The following SACS variants were observed in gnomAD, a reference collection of about 807,000 sequenced individuals.
The protein encoded by SACS is sacsin.
Under a neutral mutation model 348.0 loss-of-function variants are expected in SACS, and 197 were observed. That is an observed-to-expected ratio of 0.57 (90% CI 0.50 to 0.64). The LOEUF is 0.64. SACS is among the 30% of genes least tolerant of loss of function. SACS has a pLI of 0.00. For synonymous variants in SACS, 1,985 were observed against 1,910.6 expected (o/e 1.04, Z -1.02); for missense variants, 4,999 against 5,360.8 (o/e 0.93, Z 2.11).
rs777184890 is a variant in SACS, at chr13:23,335,618, T to A, written c.8258A>T (p.Asp2753Val). The change falls in exon 10 of 10, where the codon GAT (aspartate) becomes GTT (valine). Residue 2753 changes from aspartate (D) to valine (V), a missense_variant. This residue lies in a region of SACS where 3,156 missense variants were observed against 3,380.1 expected (regional missense o/e 0.93). Transcript: ENST00000382292. This position sits in a 1 kb window ranked among gnomAD's most constrained non-coding sequence, Gnocchi z 4.7. The part of the protein sequence containing the change: ...HMEKISICEI[D>V]KSTGALNVLY... ...CACATTTAGAGCTCCAGTACTCTTA[T>A]CTATTTCACAAATAGAAATTTTTTC... 6.2e-7 allele frequency: 1 copy of A among 1,613,952 alleles called. No homozygotes were observed. Among genetic ancestry groups the A allele is most frequent in the East Asian group, 2.2e-5 (1 of 44,882 alleles).
In SACS at chr13:23,413,491, AG is replaced by A. The variant is rs1200279341; in HGVS notation, c.-501-1752del. ...ACTTGTTTCAGCCCATCCAACCAGG[AG>A]GGGATGGACTGGAAACAGAAAGACC... On this transcript the variant is annotated intron_variant, in intron 1 of 9. Coordinates refer to ENST00000382292, the MANE Select transcript of SACS (RefSeq NM_014363.6). 2.0e-4 allele frequency among the ~76,000 whole-genome samples: 30 copies of A among 152,324 alleles called. No homozygotes were observed. The East Asian group carries it at 2.7e-3, about 14-fold the overall frequency.
chr13:23,381,354 A>AGCAC (rs1555257422), intron 2 of SACS, among the ~76,000 whole-genome samples: 6 of 70,046 alleles, frequency 8.6e-5, no homozygotes, highest in African/African-American at 3.5e-4. Context: ...GGCAGCACGA[A>AGCAC]GCACACACAC....
chr13:23,380,148 T>TGTGTGTGAGA (rs35527942), intron 2 of SACS, among the ~76,000 whole-genome samples: 7 of 147,782 alleles, frequency 4.7e-5, no homozygotes, highest in African/African-American at 1.7e-4. Context: ...TGTGTGTGTG[T>TGTGTGTGAGA]GAGAGAGAGA....
chr13:23,416,874 GGCA>G (rs1873710851), intron 1 of SACS, among the ~76,000 whole-genome samples: 1 of 152,042 alleles, frequency 6.6e-6, no homozygotes, highest in African/African-American at 2.4e-5. Context: ...TTTTGGAGGG[GGCA>G]GCCAGAACAA....
chr13:23,416,681 C>T (rs1056846748), intron 1 of SACS, among the ~76,000 whole-genome samples: 8 of 151,206 alleles, frequency 5.3e-5, no homozygotes, highest in African/African-American at 1.5e-4. Context: ...TGCTTGAGCC[C>T]GGGAGGCAGA....
chr13:23,428,347 G>A (rs1874278566), intron 1 of SACS: 1 of 152,118 alleles, frequency 6.6e-6, no homozygotes, highest in South Asian at 2.1e-4. Flanking sequence ...CCTAACTTCA[G>A]GAGAAAATAT....
chr13:23,398,108 T>C (rs920159086), intron 2 of SACS, among the ~76,000 whole-genome samples: 5 of 151,828 alleles, frequency 3.3e-5, no homozygotes, highest in African/African-American at 9.7e-5. Flanking sequence ...GGAGAATCGC[T>C]TGAACCCAGG....
chr13:23,393,563 A>G (rs1872608376), intron 2 of SACS, among the ~76,000 whole-genome samples: 1 of 152,080 alleles, frequency 6.6e-6, no homozygotes, highest in Non-Finnish European at 1.5e-5. Context: ...TCTCCTGAAC[A>G]CTGGACTCTG....
Position 23,341,376 on chromosome 13 carries a change from C to T in SACS, c.2500G>A (p.Ala834Thr). ...SLVILDDESE[A>T]QLPEFLADIV... Reference sequence around the variant, plus strand: ...TCTGCTAAAAATTCTGGAAGCTGTGCTTCAGATTCATCGTCTAAAATGACT... The same window carrying T: ...TCTGCTAAAAATTCTGGAAGCTGTGTTTCAGATTCATCGTCTAAAATGACT... Residue 834 changes from alanine to threonine, a missense_variant, in exon 10 of 10, where the codon GCA (alanine) becomes ACA (threonine). Physicochemically the swap from Ala to Thr is moderately conservative, Grantham distance 58. Coordinates refer to ENST00000382292, the MANE Select transcript of SACS (RefSeq NM_014363.6). 6.2e-7 allele frequency: 1 copy of T among 1,608,920 alleles called. No individual in the cohort carries two copies. Among genetic ancestry groups the T allele is most frequent in the Non-Finnish European group, 8.5e-7 (1 of 1,177,026 alleles).
At chr13:23,388,183 T>C (rs1240830745) in intron 2 of SACS, among the ~76,000 whole-genome samples, 2 of 151,688 alleles carry the variant, frequency 1.3e-5, no homozygotes, top group African/African-American at 4.8e-5. Flanking sequence ...ATTGCAAAGA[T>C]ATGGGCCGGG....
rs1883421880 is a variant in SACS at position 23,330,854 on chromosome 13, T to C, written c.13022A>G (p.Asn4341Ser). Residue 4341 changes from asparagine (N) to serine (S), a missense_variant, in exon 10 of 10, where the codon AAT becomes AGT. Physicochemically the swap from Asn to Ser is conservative, Grantham distance 46. This residue lies in a region of SACS where 254 missense variants were observed against 275.1 expected (regional missense o/e 0.92). Transcript: ENST00000382292. ...ATTGGCAATGTCATGGTTCTCTGGA[T>C]TTTTGTCAGGATGCCATTTCAAATA... is the stretch of plus-strand genomic sequence containing the variant. ...RLYLKWHPDK[N>S]PENHDIANEV... The C allele has an allele frequency of 1.2e-6, 2 of 1,614,118 alleles. No homozygotes were observed. The highest frequency in any genetic ancestry group is 1.7e-6 in the Non-Finnish European group (2 of 1,180,018).
intron 4 of SACS, among the ~76,000 whole-genome samples, chr13:23,370,544 T>C (rs1871323531): frequency 6.6e-6 from 1 of 152,222 alleles, no homozygotes; most frequent in African/African-American, 2.4e-5. Flanking sequence ...GGCCCTGTAC[T>C]GTATAGAAGA....
intron 1 of SACS, among the ~76,000 whole-genome samples, chr13:23,432,665 T>TTTATTATTA (rs139886400): frequency 2.0e-5 from 3 of 151,970 alleles, no homozygotes; most frequent in African/African-American, 7.3e-5. Flanking sequence ...TTGTCAATTA[T>TTTATTATTA]TTATTATTAT....
At chr13:23,366,514 C>T (rs1171944533) in intron 5 of SACS, among the ~76,000 whole-genome samples, 3 of 152,240 alleles carry the variant, frequency 2.0e-5, no homozygotes, top group Non-Finnish European at 4.4e-5. Flanking sequence ...ATCTTATTTA[C>T]ATTAGGATAT....
chr13:23,339,109 A>C lies in SACS; in HGVS notation c.4767T>G (p.Ser1589Arg). 6.2e-7 allele frequency: 1 copy of C among 1,611,110 alleles called. No homozygotes were observed. Among genetic ancestry groups the C allele is most frequent in the Non-Finnish European group, 8.5e-7 (1 of 1,178,384 alleles). ...GATTGGATTTGTCTTTAATGTGTTT[A>C]CTGATATGATTTATGTTTGGATCGA... ...IMFDPNINHI[S>R]KHIKDKSNPG... Residue 1589 changes from serine to arginine, a missense_variant, in exon 10 of 10, where the codon AGT (serine) becomes AGG (arginine). By Grantham distance (110) the Ser-to-Arg change is moderately radical. This residue lies in a region of SACS where 3,156 missense variants were observed against 3,380.1 expected (regional missense o/e 0.93). Transcript: ENST00000382292.
Position 23,338,637 on chromosome 13 carries a change from T to TA in SACS, c.5238dup (p.Lys1747Ter), listed in dbSNP as rs1555252148. 1 of 1,614,192 alleles carries TA rather than the reference T, an allele frequency of 6.2e-7. No individual in the cohort carries two copies. The highest frequency in any genetic ancestry group is 8.5e-7 in the Non-Finnish European group (1 of 1,180,016). On this transcript the variant is annotated frameshift_variant, in exon 10 of 10. Coordinates refer to ENST00000382292, the MANE Select transcript of SACS (RefSeq NM_014363.6). LOFTEE classifies it high-confidence loss of function. ...TTTGGTTCATCACTGGGAAGCTTTTTATTACTGCTGCTGCAAGTCTTCATG... is the reference window on the plus strand; with the variant it reads ...TTTGGTTCATCACTGGGAAGCTTTTTAATTACTGCTGCTGCAAGTCTTCATG...
chr13:23,403,786 G>C (rs984928782), intron 2 of SACS, among the ~76,000 whole-genome samples: 1 of 152,112 alleles, frequency 6.6e-6, no homozygotes, highest in African/African-American at 2.4e-5. Flanking sequence ...TCTTCTGCTA[G>C]TTTTTGAATG....
rs117631859 is a variant in SACS at position 23,382,069 on chromosome 13, T to C, written c.21-6800A>G. ...CACATTTGCTGTTCTGTAGAACAAT[T>C]ATAGTAGTTGGCAGGCATCCACCAC... On this transcript the variant is annotated intron_variant, in intron 2 of 9. Coordinates refer to ENST00000382292, the MANE Select transcript of SACS (RefSeq NM_014363.6). 4.4e-3 allele frequency among the ~76,000 whole-genome samples: 671 copies of C among 152,360 alleles called. 4 individuals carry two copies. The highest frequency in any genetic ancestry group is 0.041 in the Middle Eastern group (12 of 294).
At chr13:23,422,662 C>T (rs1873999985) in intron 1 of SACS, among the ~76,000 whole-genome samples, 1 of 143,448 alleles carries the variant, frequency 7.0e-6, no homozygotes, top group Non-Finnish European at 1.5e-5. Context: ...TGTGGTGTTT[C>T]TTTTTTTTTT....
Sources: gnomAD v4.1 joint callset for allele counts (sites outside exome capture counted in the v4.1 genomes callset) on GRCh38, gnomAD v4.1.1 for gene constraint, gnomAD v4.1.1 regional missense constraint, Gnocchi (gnomAD v3.1) non-coding constraint, MANE v1.5 for transcripts, NCBI Gene and HGNC (gene_info 2026-07-23, HGNC 2026-07-21) for gene names.